Variants in TP53I11 observed in about 807,000 individuals in gnomAD.
TP53I11 encodes tumor protein p53 inducible protein 11.
A neutral mutation model predicts 23.3 loss-of-function variants in TP53I11; 9 were observed. The ratio of observed to expected loss-of-function variants is 0.39; its 90% CI spans 0.23 to 0.67. TP53I11 has a LOEUF of 0.67. Among genes scored for constraint, TP53I11 ranks in the 30% least tolerant of loss-of-function variants. The probability of loss-of-function intolerance (pLI) is 0.48; values close to 1 mark genes in which losing one functional copy is unlikely to be tolerated. For missense variants in TP53I11, 170 were observed against 255.2 expected (o/e 0.67, Z 2.27); for synonymous variants, 100 against 106.1 (o/e 0.94, Z 0.35).
chr11:44,935,411 C>T (rs917946681), intron 6 of TP53I11, 150 bp downstream of exon 6: 2 of 699,206 alleles, frequency 2.9e-6, no homozygotes, highest in African/African-American at 3.6e-5. Flanking sequence ...CACAAGTAAA[C>T]ACAGCCAGGT....
chr11:44,950,809 ACAGGG>A lies in TP53I11; in HGVS notation c.-169_-165del, dbSNP rs61182512. ...GCAGGGCAGGGCAGGGCAGGGCAGG[ACAGGG>A]CAGGGCAGGGCAGGGCCGGGCCGGC... On this transcript the variant is annotated 5_prime_UTR_variant, in exon 1 of 7. Transcript: ENST00000525680. 0.71 allele frequency: 106,585 copies of A among 150,220 alleles called. 40,413 individuals carry two copies. Among genetic ancestry groups the A allele is most frequent in the East Asian group, 0.89 (4,465 of 5,000 alleles). 9.3% of individuals were successfully genotyped at this position (150,220 alleles called of 1,614,324 possible). A position where few individuals can be genotyped will look rare whatever the true frequency, so the allele number is the denominator to read the frequency against.
In TP53I11 at chr11:44,937,193, G is replaced by T. The variant is rs574275392; in HGVS notation, c.237+111C>A. The T allele has an allele frequency of 2.7e-5, 37 of 1,367,118 alleles. No homozygotes were observed. The East Asian group carries it at 8.2e-4, about 30-fold the overall frequency. 84.7% of individuals were successfully genotyped at this position (1,367,118 alleles called of 1,614,324 possible). On this transcript the variant is annotated intron_variant, in intron 4 of 6. Coordinates refer to ENST00000525680, the MANE Select transcript of TP53I11 (RefSeq NM_006034.5). ...TCGGAGGCAGCCCCAGAGCCTGACAGATGGGCCCCTGCACGAGGGGCCAGG... is the reference window on the plus strand; with the variant it reads ...TCGGAGGCAGCCCCAGAGCCTGACATATGGGCCCCTGCACGAGGGGCCAGG...
intron 1 of TP53I11, among the ~76,000 whole-genome samples, chr11:44,942,065 A>ACACCG (rs1861853806): frequency 7.3e-6 from 1 of 137,328 alleles, no homozygotes; most frequent in Admixed American, 7.0e-5. Context: ...CACCACACAC[A>ACACCG]TACCACACAC....
chr11:44,941,706 A>C (rs1861772121), intron 1 of TP53I11, among the ~76,000 whole-genome samples: 1 of 152,122 alleles, frequency 6.6e-6, no homozygotes, highest in Admixed American at 6.5e-5. Flanking sequence ...CAGGCCTCCC[A>C]TGTGGCAGTG....
At position 44,933,048 on chromosome 11, in the gene TP53I11, T is replaced by C. The variant is rs1860714227; in HGVS notation, c.*1836A>G. 6.6e-6 allele frequency: 1 copy of C among 152,410 alleles called. No individual in the cohort carries two copies. Among genetic ancestry groups the C allele is most frequent in the South Asian group, 2.1e-4 (1 of 4,828 alleles). The allele number at this position is 152,410 out of a possible 1,614,324, so 9.4% of individuals were successfully genotyped here. The stretch of plus-strand genomic sequence containing the variant: ...TGTGGGCAGCAGCGGGAGGCAGTGG[T>C]GGCTCGTGGCCAGACCAGGGCTCGG... On this transcript the variant is annotated 3_prime_UTR_variant, in exon 7 of 7. Transcript: ENST00000525680.
At position 44,934,749 on chromosome 11, in the gene TP53I11, C is replaced by T. The variant is rs1217750010; in HGVS notation, c.*135G>A. Reference sequence around the variant, plus strand: ...GGGTGCCCAGGAGGAAAGGAAGGCCCCCCACCCCCTGCCTCCCTGGGGCAG... The same window carrying T: ...GGGTGCCCAGGAGGAAAGGAAGGCCTCCCACCCCCTGCCTCCCTGGGGCAG... On this transcript the variant is annotated 3_prime_UTR_variant, in exon 7 of 7. Coordinates refer to ENST00000525680, the MANE Select transcript of TP53I11 (RefSeq NM_006034.5). The T allele has an allele frequency of 7.8e-7, 1 of 1,285,690 alleles. No individual in the cohort carries two copies. The highest frequency in any genetic ancestry group is 1.5e-5 in the African/African-American group (1 of 66,822). 79.6% of individuals were successfully genotyped at this position (1,285,690 alleles called of 1,614,324 possible).
upstream of TP53I11, chr11:44,951,222 T>C (rs990006495): frequency 1.9e-4 from 29 of 152,694 alleles, no homozygotes; most frequent in South Asian, 2.1e-4. Context: ...CCATCTTAAA[T>C]AGCCTTGCGG....
intron 1 of TP53I11, among the ~76,000 whole-genome samples, chr11:44,942,042 T>TATGCAC (rs1861838172): frequency 2.3e-4 from 2 of 8,652 alleles, no homozygotes; most frequent in African/African-American, 9.9e-4. Context: ...ACCACACACA[T>TATGCAC]ACACACCACA....
rs758008334 is a variant in TP53I11, at chr11:44,936,147, A to G, written c.335-485T>C. The G allele has an allele frequency of 5.6e-6, 5 of 899,776 alleles. No homozygotes were observed. The highest frequency in any genetic ancestry group is 5.6e-5 in the Admixed American group (1 of 17,824). 55.7% of individuals were successfully genotyped at this position (899,776 alleles called of 1,614,324 possible). ...GGGAGGGGGATGAACCATACTTTTT[A>G]GCAGAAGACCACTGACTTGGCCTCT... is the stretch of plus-strand genomic sequence containing the variant. On this transcript the variant is annotated intron_variant, in intron 5 of 6. Transcript: ENST00000525680. The surrounding 1 kb of genome is among the most constrained non-coding windows in gnomAD (Gnocchi z 4.4).
chr11:44,939,138 A>G (rs835995), intron 1 of TP53I11: 152,286 of 152,302 alleles, frequency 1, 76,135 homozygotes, highest in Non-Finnish European at 1. Flanking sequence ...TGTGCTGGGC[A>G]ACTGAGATGC....
At chr11:44,943,429 G>T (rs1178855538) in intron 1 of TP53I11, among the ~76,000 whole-genome samples, 1 of 152,208 alleles carries the variant, frequency 6.6e-6, no homozygotes, top group Non-Finnish European at 1.5e-5. Flanking sequence ...CACCTGTCTG[G>T]CAAGAAGGGA....
chr11:44,938,535 G>T, intron 1 of TP53I11, 169 bp from the exon 2 acceptor site: 1 of 726,730 alleles, frequency 1.4e-6, no homozygotes, highest in Non-Finnish European at 2.1e-6. Context: ...AATGGGTTGA[G>T]GAAATGCTCT....
chr11:44,950,376 G>T (rs1324911527), intron 1 of TP53I11, among the ~76,000 whole-genome samples: 2 of 152,210 alleles, frequency 1.3e-5, no homozygotes, highest in African/African-American at 4.8e-5. Context: ...GGCGACCGCG[G>T]AGCCGGGGGA....
chr11:44,937,936 A>G (rs1861339028), intron 2 of TP53I11, among the ~76,000 whole-genome samples: 1 of 152,186 alleles, frequency 6.6e-6, no homozygotes, highest in African/African-American at 2.4e-5. Flanking sequence ...TTGTTTCCTC[A>G]TCTATAAAAT....
In TP53I11 at chr11:44,936,328, C is replaced by T; in HGVS notation, c.334+475G>A. The T allele has an allele frequency of 8.3e-7, 1 of 1,208,676 alleles. No individual in the cohort carries two copies. The allele number at this position is 1,208,676 out of a possible 1,614,324, so 74.9% of individuals were successfully genotyped here. On this transcript the variant is annotated intron_variant, in intron 5 of 6. Coordinates refer to ENST00000525680, the MANE Select transcript of TP53I11 (RefSeq NM_006034.5). This position sits in a 1 kb window ranked among gnomAD's most constrained non-coding sequence, Gnocchi z 4.4. Reference sequence around the variant, plus strand: ...TTTCGTAGAAATAGAGGCATATTACCTATGCTGAGCTTTAAAAATTGTAAT... The same window carrying T: ...TTTCGTAGAAATAGAGGCATATTACTTATGCTGAGCTTTAAAAATTGTAAT...
Position 44,936,064 on chromosome 11 carries a change from G to A in TP53I11, c.335-402C>T, listed in dbSNP as rs540511432. ...CCTATGATTGGGTTTTCTTTTACAC[G>A]GACTCCCAGACAGAAAACCTGAGCC... On this transcript the variant is annotated intron_variant, in intron 5 of 6. Transcript: ENST00000525680. This position sits in a 1 kb window ranked among gnomAD's most constrained non-coding sequence, Gnocchi z 4.4. 2.7e-5 allele frequency: 8 copies of A among 295,232 alleles called. No individual in the cohort carries two copies. In the East Asian group the frequency reaches 4.8e-4, roughly 18 times the overall value. The allele number at this position is 295,232 out of a possible 1,614,324, so 18.3% of individuals were successfully genotyped here.
chr11:44,938,166 C>A, intron 2 of TP53I11, 41 bp downstream of exon 2: 1 of 1,589,640 alleles, frequency 6.3e-7, no homozygotes, highest in Non-Finnish European at 8.5e-7. Context: ...GTCAGCCTGG[C>A]CTCCCCAGTG....
chr11:44,937,749 G>T, intron 2 of TP53I11, 136 bp from the exon 3 acceptor site: 1 of 847,906 alleles, frequency 1.2e-6, no homozygotes, highest in East Asian at 2.7e-5. Context: ...CCCCAGGTGG[G>T]GAGGGTCACA....
chr11:44,938,559 G>A, intron 1 of TP53I11, 193 bp from the exon 2 acceptor site: 2 of 584,556 alleles, frequency 3.4e-6, no homozygotes, highest in Non-Finnish European at 5.6e-6. Context: ...GGCCCCTGAG[G>A]CTCTGGGAGC....
Sources: gnomAD v4.1 joint callset for allele counts (sites outside exome capture counted in the v4.1 genomes callset) on GRCh38, gnomAD v4.1.1 for gene constraint, Gnocchi (gnomAD v3.1) non-coding constraint, MANE v1.5 for transcripts, NCBI Gene and HGNC (gene_info 2026-07-23, HGNC 2026-07-21) for gene names.